The following PRSS23 variants were observed in gnomAD, a reference collection of about 807,000 sequenced individuals.
The protein encoded by PRSS23 is protease, serine 23.
Under a neutral mutation model 34.7 loss-of-function variants are expected in PRSS23, and 25 were observed. The observed-to-expected ratio is 0.72, with a 90% CI of 0.53 to 1.01. The LOEUF (loss-of-function observed/expected upper bound fraction) is 1.01, where lower values mean the gene tolerates loss of function less well. Among genes scored for constraint, PRSS23 ranks in the 50% least tolerant of loss-of-function variants. The pLI is 0.00. For synonymous variants in PRSS23, 176 were observed against 186.6 expected, an observed-to-expected ratio of 0.94 and a Z score of 0.46; for missense variants, 445 against 475.6, an observed-to-expected ratio of 0.94 and a Z score of 0.60.
At chr11:86,829,415 T>C (rs1481616751) in intron 2 of PRSS23, among the ~76,000 whole-genome samples, 1 of 152,202 alleles carries the variant, frequency 6.6e-6, no homozygotes, top group Non-Finnish European at 1.5e-5. Flanking sequence ...TTCAAAGTTT[T>C]CAACTTCTTT....
chr11:86,844,702 C>A (rs1164309550), intron 2 of PRSS23, among the ~76,000 whole-genome samples: 1 of 152,114 alleles, frequency 6.6e-6, no homozygotes, highest in Non-Finnish European at 1.5e-5. Context: ...ATCATAGGAC[C>A]CACGTCATGA....
intron 1 of PRSS23, among the ~76,000 whole-genome samples, chr11:86,804,100 G>A (rs1028764493): frequency 7.9e-5 from 12 of 152,090 alleles, no homozygotes; most frequent in Non-Finnish European, 1.5e-4. Context: ...ACCAGCTAAA[G>A]CAATCATCTG....
downstream of PRSS23, among the ~76,000 whole-genome samples, chr11:86,815,634 C>T (rs1181485410): frequency 6.6e-6 from 1 of 152,220 alleles, no homozygotes; most frequent in East Asian, 1.9e-4. Context: ...GCCTCTTCTA[C>T]AAGACTATGA....
intron 2 of PRSS23, among the ~76,000 whole-genome samples, chr11:86,824,000 C>A (rs541072651): frequency 1.0e-5 from 1 of 99,976 alleles, no homozygotes; most frequent in African/African-American, 4.2e-5. Flanking sequence ...AGCGAGACTC[C>A]GTCTCAAAAA....
chr11:86,821,476 T>C, intron 1 of PRSS23: 2 of 1,610,122 alleles, frequency 1.2e-6, no homozygotes, highest in Non-Finnish European at 1.7e-6. Context: ...CAGGACACTC[T>C]TTCAGAGCTT....
At chr11:86,866,715 G>A (rs73512451) in intron 2 of PRSS23, among the ~76,000 whole-genome samples, 1 of 152,176 alleles carries the variant, frequency 6.6e-6, no homozygotes, top group Non-Finnish European at 1.5e-5. Context: ...TTTGGGTCAT[G>A]GAGTAGAATC....
At chr11:86,851,967 A>G (rs1948533562) in intron 2 of PRSS23, among the ~76,000 whole-genome samples, 1 of 152,192 alleles carries the variant, frequency 6.6e-6, no homozygotes, top group Non-Finnish European at 1.5e-5. Flanking sequence ...ACAACCAAGA[A>G]CAGAAACTCC....
At chr11:86,918,710 C>A (rs1020148417) in intron 2 of PRSS23, among the ~76,000 whole-genome samples, 10 of 152,220 alleles carry the variant, frequency 6.6e-5, no homozygotes, top group Admixed American at 6.5e-4. Context: ...CCAGGTGTTC[C>A]ACAGGCCAAC....
intron 1 of PRSS23, chr11:86,821,402 A>C (rs1221308856): frequency 7.2e-7 from 1 of 1,389,960 alleles, no homozygotes; most frequent in East Asian, 2.3e-5. Flanking sequence ...CCTGCTGGGA[A>C]AACATTGATT....
Position 86,800,661 on chromosome 11 carries a change from G to T in PRSS23, c.-14+10G>T. ...GGGCTGCTCGGCGCGGGTGAGTGCGGGCACCGACTGGGGCATCCGCCCGGG... is the reference window on the plus strand; with the variant it reads ...GGGCTGCTCGGCGCGGGTGAGTGCGTGCACCGACTGGGGCATCCGCCCGGG... On this transcript the variant is annotated intron_variant, in intron 1 of 1. Transcript: ENST00000280258. 3.0e-6 allele frequency: 3 copies of T among 984,954 alleles called. No homozygotes were observed. Among genetic ancestry groups the T allele is most frequent in the Non-Finnish European group, 3.6e-6 (3 of 829,614 alleles). The allele number at this position is 984,954 out of a possible 1,614,324, so 61.0% of individuals were successfully genotyped here.
chr11:86,800,352 C>T, upstream of PRSS23: 1 of 747,172 alleles, frequency 1.3e-6, no homozygotes, highest in Non-Finnish European at 1.6e-6. Flanking sequence ...GACGCTCGGC[C>T]TCAGGCCCTC....
chr11:86,828,729 T>C (rs904885649), intron 2 of PRSS23, among the ~76,000 whole-genome samples: 1 of 152,162 alleles, frequency 6.6e-6, no homozygotes, highest in Non-Finnish European at 1.5e-5. Context: ...GTCTGTAAAG[T>C]ATTTTATTTC....
At chr11:86,868,988 T>C (rs1565371449) in intron 2 of PRSS23, among the ~76,000 whole-genome samples, 1 of 152,098 alleles carries the variant, frequency 6.6e-6, no homozygotes, top group Admixed American at 6.5e-5. Context: ...ACCTTTTGTA[T>C]TTTTTGTAGA....
chr11:86,892,375 G>A (rs556289690), intron 2 of PRSS23: 2 of 152,298 alleles, frequency 1.3e-5, no homozygotes, highest in East Asian at 3.9e-4. Flanking sequence ...CTCCATCCCT[G>A]TAAGTAGAAA....
chr11:86,939,423 T>TTTTTTTTTTTTAAAAA (rs1565392807), intron 2 of PRSS23, among the ~76,000 whole-genome samples: 3 of 100,438 alleles, frequency 3.0e-5, no homozygotes, highest in African/African-American at 3.2e-5. Flanking sequence ...TATATATATA[T>TTTTTTTTTTTTAAAAA]ATATTTTTTA....
At chr11:86,883,706 G>A (rs907201490) in intron 2 of PRSS23, among the ~76,000 whole-genome samples, 35 of 152,220 alleles carry the variant, frequency 2.3e-4, no homozygotes, top group African/African-American at 7.7e-4. Flanking sequence ...TTAAATATAC[G>A]TGTTTACCTC....
intron 2 of PRSS23, among the ~76,000 whole-genome samples, chr11:86,831,153 C>T (rs1736122230): frequency 6.6e-6 from 1 of 151,976 alleles, no homozygotes; most frequent in Admixed American, 6.5e-5. Flanking sequence ...TTTTTATATC[C>T]TAGCAGGATG....
chr11:86,913,274 CAAA>C (rs201233084), intron 2 of PRSS23, among the ~76,000 whole-genome samples: 7 of 61,138 alleles, frequency 1.1e-4, no homozygotes, highest in African/African-American at 2.5e-4. Flanking sequence ...TGCCCTCAGG[CAAA>C]AAAAAAAAAA....
At position 86,952,210 on chromosome 11, in the gene PRSS23, G is replaced by A. The variant is rs756589557; in HGVS notation, c.*925G>A. On this transcript the variant is annotated 3_prime_UTR_variant, in exon 3 of 3. Coordinates refer to the PRSS23 transcript ENST00000533902. Reference sequence around the variant, plus strand: ...ACTGATCAGAATTGGTTCCCACAGAGTGACACTCTTCCCCAGGCTGGATGG... The same window carrying A: ...ACTGATCAGAATTGGTTCCCACAGAATGACACTCTTCCCCAGGCTGGATGG... 3 of 1,613,796 alleles carry A rather than the reference G, an allele frequency of 1.9e-6. No individual in the cohort carries two copies. Among genetic ancestry groups the A allele is most frequent in the Non-Finnish European group, 2.5e-6 (3 of 1,179,876 alleles).
Sources: allele counts gnomAD v4.1 joint callset (sites outside exome capture counted in the v4.1 genomes callset), GRCh38; gene constraint gnomAD v4.1.1; transcripts MANE v1.5; gene names NCBI Gene and HGNC (gene_info 2026-07-23, HGNC 2026-07-21).